PSMG2: variants seen among roughly 807,000 people sequenced by gnomAD.
PSMG2 encodes proteasome assembly chaperone 2.
A neutral mutation model predicts 31.5 loss-of-function variants in PSMG2; 21 were observed. The observed-to-expected ratio is 0.67, with a 90% CI of 0.47 to 0.96. The LOEUF (loss-of-function observed/expected upper bound fraction) is 0.96, where lower values mean the gene tolerates loss of function less well. PSMG2 is among the 40% of genes least tolerant of loss of function. The probability of loss-of-function intolerance (pLI) is 0.00; values close to 1 mark genes in which losing one functional copy is unlikely to be tolerated. For missense variants in PSMG2, 318 were observed against 321.2 expected (o/e 0.99, Z 0.08); for synonymous variants, 120 against 110.4 (o/e 1.09, Z -0.54).
chr18:12,705,589 G>A (rs1240543068), intron 1 of PSMG2, among the ~76,000 whole-genome samples: 3 of 151,802 alleles, frequency 2.0e-5, no homozygotes, highest in Admixed American at 2.0e-4. Flanking sequence ...GTGTGTGTGT[G>A]TGTGTGTGTG....
upstream of PSMG2, chr18:12,702,672 G>A: frequency 9.0e-7 from 1 of 1,113,918 alleles, no homozygotes. Flanking sequence ...TTCGCCTAGC[G>A]CAGCTCCCGG....
intron 2 of PSMG2, among the ~76,000 whole-genome samples, chr18:12,708,065 T>C (rs1308804311): frequency 1.3e-5 from 2 of 152,122 alleles, no homozygotes; most frequent in Non-Finnish European, 2.9e-5. Context: ...GAGGAACGCT[T>C]GAGCTCAGGA....
chr18:12,702,733 G>A, upstream of PSMG2: 2 of 626,588 alleles, frequency 3.2e-6, no homozygotes, highest in Admixed American at 3.3e-5. Flanking sequence ...TGAGGCCCCG[G>A]CGGCGGCGGC....
chr18:12,703,681 A>G (rs975972040), intron 1 of PSMG2, among the ~76,000 whole-genome samples: 2 of 152,182 alleles, frequency 1.3e-5, no homozygotes, highest in Non-Finnish European at 2.9e-5. Context: ...AAGAATTTAC[A>G]CTGTAGTTGG....
rs118037127 is a variant in PSMG2 at position 12,694,285 on chromosome 18, T to C, written c.-36-12265T>C. Reference sequence around the variant, plus strand: ...TGCCTGAGGGAGAAGCACTAGCGTCTAACCACAGGTCTGTAAAAGGAACAA... The same window carrying C: ...TGCCTGAGGGAGAAGCACTAGCGTCCAACCACAGGTCTGTAAAAGGAACAA... On this transcript the variant is annotated intron_variant, in intron 1 of 6. Transcript: ENST00000585331. 7.7e-3 allele frequency among the ~76,000 whole-genome samples: 1,180 copies of C among 152,294 alleles called. 13 individuals carry two copies. The highest frequency in any genetic ancestry group is 0.031 in the South Asian group (149 of 4,826).
intron 5 of PSMG2, among the ~76,000 whole-genome samples, chr18:12,721,215 C>T (rs1367722253): frequency 6.6e-6 from 1 of 152,080 alleles, no homozygotes; most frequent in Non-Finnish European, 1.5e-5. Flanking sequence ...AAAACTGGTA[C>T]TATTGTAGAG....
chr18:12,725,393 T>A, intron 6 of PSMG2, 46 bp from the exon 7 acceptor site: 1 of 1,419,196 alleles, frequency 7.0e-7, no homozygotes, highest in Non-Finnish European at 9.7e-7. Flanking sequence ...AAAGGAGATT[T>A]GATGGTAAAG....
intron 1 of PSMG2, among the ~76,000 whole-genome samples, chr18:12,680,120 C>A (rs1303183624): frequency 1.3e-5 from 2 of 150,820 alleles, no homozygotes; most frequent in East Asian, 3.9e-4. Flanking sequence ...ACATAATTTA[C>A]TGTTTACCAA....
intron 1 of PSMG2, chr18:12,680,745 C>G (rs868801486): frequency 6.2e-7 from 1 of 1,613,650 alleles, no homozygotes; most frequent in Admixed American, 1.7e-5. Context: ...CTCCTTTTGC[C>G]TTGGTCCCAA....
intron 1 of PSMG2, among the ~76,000 whole-genome samples, chr18:12,705,572 A>AGTGTGTGTGTGTGT (rs1341255881): frequency 5.1e-4 from 66 of 129,314 alleles, no homozygotes; most frequent in South Asian, 9.9e-4. Flanking sequence ...AGAGAGAGAG[A>AGTGTGTGTGTGTGT]GAGAGTGTGT....
At chr18:12,721,154 TG>T (rs1444980628) in intron 5 of PSMG2, among the ~76,000 whole-genome samples, 1 of 149,500 alleles carries the variant, frequency 6.7e-6, no homozygotes, top group Non-Finnish European at 1.5e-5. Context: ...CACTCCAGCC[TG>T]GGAGACAGCA....
At chr18:12,685,704 T>G (rs918744996) in intron 1 of PSMG2, 1 of 152,170 alleles carries the variant, frequency 6.6e-6, no homozygotes, top group African/African-American at 2.4e-5. Context: ...CGATCTCAGC[T>G]CACTGCAACC....
intron 2 of PSMG2, 124 bp downstream of exon 2, chr18:12,706,845 A>C: frequency 1.0e-6 from 1 of 977,794 alleles, no homozygotes; most frequent in Non-Finnish European, 1.5e-6. Flanking sequence ...TGTAGAGTTC[A>C]CAACCCAATC....
intron 1 of PSMG2, among the ~76,000 whole-genome samples, chr18:12,661,074 G>A (rs1429509360): frequency 1.3e-5 from 2 of 152,058 alleles, no homozygotes; most frequent in Non-Finnish European, 2.9e-5. Flanking sequence ...TTGGGAGGCC[G>A]AGGCGGGCAG....
chr18:12,702,625 G>A, upstream of PSMG2: 7 of 1,481,528 alleles, frequency 4.7e-6, no homozygotes, highest in African/African-American at 7.1e-5. Context: ...GGGCCAGGGA[G>A]CGTTAGGAGC....
rs986605208 is a variant in PSMG2, at chr18:12,673,606, G to A, written c.-37+14833G>A. On this transcript the variant is annotated intron_variant, in intron 1 of 6. Transcript: ENST00000585331. ...TTAAAATAATTTTTTCAGGCTAGGC[G>A]TGGTGGCTCATGCCTGTAATCCCAG... is the stretch of plus-strand genomic sequence containing the variant. 6.5e-5 allele frequency: 60 copies of A among 917,356 alleles called. 1 individual carries two copies. Among genetic ancestry groups the A allele is most frequent in the South Asian group, 2.7e-4 (16 of 58,384 alleles). 56.8% of individuals were successfully genotyped at this position (917,356 alleles called of 1,614,324 possible).
intron 1 of PSMG2, among the ~76,000 whole-genome samples, chr18:12,691,761 G>A (rs2145072410): frequency 6.6e-6 from 1 of 151,184 alleles, no homozygotes; most frequent in South Asian, 2.1e-4. Context: ...TGTCGCCCAG[G>A]CTGGAGTGCA....
intron 2 of PSMG2, 84 bp from the exon 3 acceptor site, chr18:12,712,618 A>G (rs1206597658): frequency 3.1e-6 from 3 of 975,286 alleles, no homozygotes; most frequent in East Asian, 2.4e-5. Flanking sequence ...AAAAGGTATT[A>G]TAATTCAATT....
intron 1 of PSMG2, among the ~76,000 whole-genome samples, chr18:12,675,875 G>A (rs1184235075): frequency 6.6e-6 from 1 of 151,834 alleles, no homozygotes; most frequent in Non-Finnish European, 1.5e-5. Flanking sequence ...CACCATGTTG[G>A]CCAGGCTGGT....
Sources: allele counts gnomAD v4.1 joint callset (sites outside exome capture counted in the v4.1 genomes callset), GRCh38; gene constraint gnomAD v4.1.1; transcripts MANE v1.5; gene names NCBI Gene and HGNC (gene_info 2026-07-23, HGNC 2026-07-21).